The following MMP26 variants were observed in gnomAD, a reference collection of about 807,000 sequenced individuals.
The protein encoded by MMP26 is matrix metallopeptidase 26, also known as matrix metalloproteinase-26.
MMP26 carries 33 observed loss-of-function variants against 31.0 expected under a neutral mutation model. The observed-to-expected ratio is 1.06, with a 90% CI of 0.81 to 1.42. The LOEUF (loss-of-function observed/expected upper bound fraction) is 1.42, where lower values mean the gene tolerates loss of function less well. Ranked by LOEUF, MMP26 falls within the 40% of genes most tolerant of loss-of-function variation. The probability of loss-of-function intolerance (pLI) is 0.00; values close to 1 mark genes in which losing one functional copy is unlikely to be tolerated. For missense variants in MMP26, 347 were observed against 316.1 expected (o/e 1.10, Z -0.74); for synonymous variants, 122 against 114.9 (o/e 1.06, Z -0.40).
At chr11:4,946,829 G>T in intron 2 of MMP26, 2 of 1,587,684 alleles carry the variant, frequency 1.3e-6, no homozygotes, top group Admixed American at 3.4e-5. Context: ...AATTTCAGGA[G>T]CATTGAACAG....
At position 4,918,946 on chromosome 11, in the gene MMP26, C is replaced by T. The variant is rs551423308; in HGVS notation, c.-144-69122C>T. Among the ~76,000 whole-genome samples the T allele has an allele frequency of 5.3e-5, 8 of 152,330 alleles. No individual in the cohort carries two copies. The South Asian group carries it at 1.7e-3, about 32-fold the overall frequency. On this transcript the variant is annotated intron_variant, in intron 2 of 7. Coordinates refer to ENST00000380390, the MANE Select transcript of MMP26 (RefSeq NM_021801.5). Reference sequence around the variant, plus strand: ...GTCTGAGACTAGGGGTAGATGTTGACCTTTAATAACCGAGCTCGTTTCATG... The same window carrying T: ...GTCTGAGACTAGGGGTAGATGTTGATCTTTAATAACCGAGCTCGTTTCATG...
In MMP26 at chr11:4,744,614, G is replaced by A. The variant is rs141710417; in HGVS notation, c.-216-22656G>A. On this transcript the variant is annotated intron_variant, in intron 1 of 7. Transcript: ENST00000380390. ...CAGCCCTATGAGGATCATTTACCTC[G>A]CCCCACAAAAAAACTTATTCTTAAG... 5.2e-4 allele frequency among the ~76,000 whole-genome samples: 79 copies of A among 152,082 alleles called. 1 individual carries two copies. The East Asian group carries it at 0.014, about 26-fold the overall frequency.
intron 2 of MMP26, among the ~76,000 whole-genome samples, chr11:4,980,253 G>GT (rs1846793739): frequency 1.3e-5 from 2 of 151,990 alleles, no homozygotes. Flanking sequence ...TGGTTTCTGA[G>GT]TATAAAGACA....
intron 1 of MMP26, chr11:4,711,885 CT>C (rs1353108310): frequency 6.6e-6 from 1 of 152,158 alleles, no homozygotes; most frequent in Non-Finnish European, 1.5e-5. Context: ...TATATTGCCT[CT>C]AAGTCTGTGA....
chr11:4,964,587 T>C (rs750286695), intron 2 of MMP26, among the ~76,000 whole-genome samples: 7 of 152,148 alleles, frequency 4.6e-5, no homozygotes, highest in Non-Finnish European at 8.8e-5. Context: ...TAAAGGAATA[T>C]AAATTATTCT....
intron 2 of MMP26, among the ~76,000 whole-genome samples, chr11:4,918,501 A>C (rs908999095): frequency 6.6e-6 from 1 of 152,146 alleles, no homozygotes; most frequent in African/African-American, 2.4e-5. Flanking sequence ...TAAAATTCAG[A>C]ATAATGATGC....
intron 2 of MMP26, chr11:4,943,977 G>A (rs1846256207): frequency 2.4e-6 from 1 of 408,194 alleles, no homozygotes; most frequent in African/African-American, 2.1e-5. Flanking sequence ...CTTTTTAGTG[G>A]AAATGAAGTC....
At position 4,942,089 on chromosome 11, in the gene MMP26, C is replaced by CAAAAAAAAAAAAAAAAAAAAAAAAA. The variant is rs201626472; in HGVS notation, c.-144-45958_-144-45957insAAAAAAAAAAAAAAAAAAAAAAAAA. On this transcript the variant is annotated intron_variant, in intron 2 of 7. Coordinates refer to ENST00000380390, the MANE Select transcript of MMP26 (RefSeq NM_021801.5). ...TGGGCAGCAGAATGAGAGTCCATCT[C>CAAAAAAAAAAAAAAAAAAAAAAAAA]AAAAAAAAAAAAAAAAAAAAAGGAA... 5.2e-3 allele frequency among the ~76,000 whole-genome samples: 193 copies of CAAAAAAAAAAAAAAAAAAAAAAAAA among 37,048 alleles called. 9 individuals are homozygous for CAAAAAAAAAAAAAAAAAAAAAAAAA. The highest frequency in any genetic ancestry group is 6.5e-3 in the Non-Finnish European group (125 of 19,100). The allele number at this position is 37,048 out of a possible 152,430, so 24.3% of individuals were successfully genotyped here. A position where few individuals can be genotyped will look rare whatever the true frequency, so the allele number is the denominator to read the frequency against.
chr11:4,937,074 A>G (rs915423875), intron 2 of MMP26, among the ~76,000 whole-genome samples: 1 of 152,274 alleles, frequency 6.6e-6, no homozygotes, highest in Non-Finnish European at 1.5e-5. Flanking sequence ...TTGTATTGGC[A>G]TATATTTTAA....
At chr11:4,923,012 G>T (rs984130697) in intron 2 of MMP26, among the ~76,000 whole-genome samples, 4 of 152,090 alleles carry the variant, frequency 2.6e-5, no homozygotes, top group Non-Finnish European at 5.9e-5. Context: ...AATTACACTG[G>T]CCAGAGAATT....
At chr11:4,714,803 G>T (rs1847904091) in intron 1 of MMP26, among the ~76,000 whole-genome samples, 1 of 151,906 alleles carries the variant, frequency 6.6e-6, no homozygotes, top group African/African-American at 2.4e-5. Context: ...TGTTATCTTG[G>T]TATAATAGGA....
At chr11:4,975,831 T>A (rs577678701) in intron 2 of MMP26, among the ~76,000 whole-genome samples, 1 of 152,158 alleles carries the variant, frequency 6.6e-6, no homozygotes, top group South Asian at 2.1e-4. Context: ...TGCCAAGATG[T>A]TGGTATTGTT....
At chr11:4,748,643 G>C (rs778484042) in intron 1 of MMP26, among the ~76,000 whole-genome samples, 12 of 148,552 alleles carry the variant, frequency 8.1e-5, no homozygotes, top group Non-Finnish European at 1.6e-4. Flanking sequence ...TCGCAACGTA[G>C]GCAAATCAGT....
intron 2 of MMP26, chr11:4,871,936 C>T (rs565696378): frequency 9.2e-5 from 14 of 152,182 alleles, no homozygotes; most frequent in African/African-American, 2.6e-4. Context: ...GAAATTGCCC[C>T]GTGACTAAAT....
intron 1 of MMP26, among the ~76,000 whole-genome samples, chr11:4,708,757 C>T (rs1010011144): frequency 6.6e-6 from 1 of 152,040 alleles, no homozygotes; most frequent in South Asian, 2.1e-4. Context: ...ATTCTCAATG[C>T]CCTTTTGCAG....
chr11:4,861,211 T>C (rs1364452218), intron 2 of MMP26, among the ~76,000 whole-genome samples: 1 of 150,124 alleles, frequency 6.7e-6, no homozygotes, highest in Non-Finnish European at 1.5e-5. Flanking sequence ...TACATACAGT[T>C]TCCAAGTATA....
intron 2 of MMP26, among the ~76,000 whole-genome samples, chr11:4,788,007 A>G (rs894218541): frequency 7.9e-5 from 12 of 152,156 alleles, no homozygotes; most frequent in African/African-American, 2.7e-4. Flanking sequence ...ATCCACAGCT[A>G]TTGTCTCAAA....
At chr11:4,981,230 G>A (rs1342146899) in intron 2 of MMP26, among the ~76,000 whole-genome samples, 1 of 151,918 alleles carries the variant, frequency 6.6e-6, no homozygotes, top group Non-Finnish European at 1.5e-5. Context: ...ACATATAGGT[G>A]TGTTTGTGTG....
chr11:4,991,218 T>TA (rs1846996615), intron 5 of MMP26, among the ~76,000 whole-genome samples, 153 bp from the exon 6 acceptor site: 1 of 152,218 alleles, frequency 6.6e-6, no homozygotes, highest in South Asian at 2.1e-4. Flanking sequence ...GGCCCCACCT[T>TA]ATTTCTCTGC....
Sources: gnomAD v4.1 joint callset for allele counts (sites outside exome capture counted in the v4.1 genomes callset) on GRCh38, gnomAD v4.1.1 for gene constraint, MANE v1.5 for transcripts, NCBI Gene and HGNC (gene_info 2026-07-23, HGNC 2026-07-21) for gene names.